The following MARK2 variants were observed in gnomAD, a reference collection of about 807,000 sequenced individuals.
The protein encoded by MARK2 is serine/threonine-protein kinase MARK2.
In MARK2, 16 loss-of-function variants were observed where a neutral mutation model predicts 89.8. That is an observed-to-expected ratio of 0.18 (90% confidence interval 0.12 to 0.27). MARK2 has a LOEUF of 0.27. MARK2 is among the 10% of genes least tolerant of loss of function. The probability of loss-of-function intolerance (pLI) is 1.00; values close to 1 mark genes in which losing one functional copy is unlikely to be tolerated. For synonymous variants in MARK2, 382 were observed against 399.5 expected (o/e 0.96, Z 0.52); for missense variants, 621 against 1,049.9 (o/e 0.59, Z 5.65).
rs1450409566 is a variant in MARK2, at chr11:63,846,935, CG to C, written c.54+7378del. On this transcript the variant is annotated intron_variant, in intron 1 of 18. Coordinates refer to ENST00000402010, the MANE Select transcript of MARK2 (RefSeq NM_001039469.3). ...CCTCCCAAAGTGCTGGGATTACAGG[CG>C]GGAGCCACCGCGCCCAGCCCAAAAA... is the stretch of plus-strand genomic sequence containing the variant. Among the ~76,000 whole-genome samples the C allele has an allele frequency of 2.6e-5, 4 of 152,130 alleles. No homozygotes were observed. The East Asian group carries it at 7.7e-4, about 29-fold the overall frequency.
intron 1 of MARK2, among the ~76,000 whole-genome samples, chr11:63,861,820 C>A (rs916790104): frequency 3.1e-4 from 46 of 150,648 alleles, no homozygotes; most frequent in African/African-American, 1.1e-3. Flanking sequence ...TGGCTCACTG[C>A]AACCTCCGCC....
intron 1 of MARK2, among the ~76,000 whole-genome samples, chr11:63,864,321 C>T (rs1475302735): frequency 6.6e-6 from 1 of 151,920 alleles, no homozygotes; most frequent in Non-Finnish European, 1.5e-5. Context: ...GGCTTGATCT[C>T]GGCTCACCGC....
At chr11:63,844,478 T>C (rs1342114355) in intron 1 of MARK2, among the ~76,000 whole-genome samples, 1 of 152,148 alleles carries the variant, frequency 6.6e-6, no homozygotes, top group Non-Finnish European at 1.5e-5. Flanking sequence ...AGCAAGACAC[T>C]ATCTCAGAAA....
intron 18 of MARK2, among the ~76,000 whole-genome samples, chr11:63,908,520 C>A (rs757871777): frequency 6.6e-6 from 1 of 152,186 alleles, no homozygotes; most frequent in Non-Finnish European, 1.5e-5. Flanking sequence ...TTCTGGAAGT[C>A]GGAGTTCTGG....
chr11:63,902,090 C>T lies in MARK2; in HGVS notation c.1102-108C>T. On this transcript the variant is annotated intron_variant, in intron 11 of 18. Transcript: ENST00000402010. This position sits in a 1 kb window ranked among gnomAD's most constrained non-coding sequence, Gnocchi z 4.2. ...TTACAAGTGGATGTCCGGTATGATC[C>T]TGGGGTGTTTGAGTGTTGGGAGAGG... The T allele has an allele frequency of 8.1e-7, 1 of 1,228,050 alleles. No homozygotes were observed. Among genetic ancestry groups the T allele is most frequent in the Non-Finnish European group, 1.2e-6 (1 of 868,220 alleles). The allele number at this position is 1,228,050 out of a possible 1,614,324, so 76.1% of individuals were successfully genotyped here.
At chr11:63,895,054 C>T (rs1408786189) in intron 1 of MARK2, 105 bp from the exon 2 acceptor site, 6 of 848,734 alleles carry the variant, frequency 7.1e-6, no homozygotes, top group Non-Finnish European at 3.7e-6. Flanking sequence ...GCCTACCAGC[C>T]CCCTGGAATC....
At position 63,902,052 on chromosome 11, in the gene MARK2, G is replaced by A. The variant is rs776226774; in HGVS notation, c.1102-146G>A. On this transcript the variant is annotated intron_variant, in intron 11 of 18. Coordinates refer to ENST00000402010, the MANE Select transcript of MARK2 (RefSeq NM_001039469.3). The surrounding 1 kb of genome is among the most constrained non-coding windows in gnomAD (Gnocchi z 4.2). ...GTGTCTCCAGGGTCTCCTCCAGGGGGGATGTATTGGTCTTACAAGTGGATG... is the reference window on the plus strand; with the variant it reads ...GTGTCTCCAGGGTCTCCTCCAGGGGAGATGTATTGGTCTTACAAGTGGATG... The A allele has an allele frequency of 5.4e-6, 4 of 741,004 alleles. No individual in the cohort carries two copies. Among genetic ancestry groups the A allele is most frequent in the Non-Finnish European group, 8.8e-6 (4 of 455,242 alleles). 45.9% of individuals were successfully genotyped at this position (741,004 alleles called of 1,614,324 possible).
Position 63,901,692 on chromosome 11 carries a change from C to CTGTGTGTGTGTGTG in MARK2, c.1102-488_1102-475dup, listed in dbSNP as rs56308004. ...GTGCTTTATGTTTGGGTGTGTGTAT[C>CTGTGTGTGTGTGTG]TGTGTGTGTGTGTGTGTGTGTGTGT... is the stretch of plus-strand genomic sequence containing the variant. On this transcript the variant is annotated intron_variant, in intron 11 of 18. Transcript: ENST00000402010. Among the ~76,000 whole-genome samples the CTGTGTGTGTGTGTG allele has an allele frequency of 3.0e-4, 40 of 134,804 alleles. No individual in the cohort carries two copies. In the East Asian group the frequency reaches 4.9e-3, roughly 17 times the overall value. The allele number at this position is 134,804 out of a possible 152,430, so 88.4% of individuals were successfully genotyped here. A position where few individuals can be genotyped will look rare whatever the true frequency, so the allele number is the denominator to read the frequency against.
At chr11:63,874,404 G>A (rs1938623027) in intron 1 of MARK2, among the ~76,000 whole-genome samples, 1 of 151,960 alleles carries the variant, frequency 6.6e-6, no homozygotes, top group Non-Finnish European at 1.5e-5. Flanking sequence ...GCTTTGCTTG[G>A]GTATTAATTG....
rs1004171351 is a variant in MARK2 at position 63,910,074 on chromosome 11, G to T, written c.*837G>T. The T allele has an allele frequency of 3.3e-5, 5 of 152,438 alleles. No individual in the cohort carries two copies. Among genetic ancestry groups the T allele is most frequent in the African/African-American group, 1.2e-4 (5 of 41,450 alleles). The allele number at this position is 152,438 out of a possible 1,614,324, so 9.4% of individuals were successfully genotyped here. On this transcript the variant is annotated 3_prime_UTR_variant, in exon 19 of 19. Coordinates refer to ENST00000402010, the MANE Select transcript of MARK2 (RefSeq NM_001039469.3). ...GGTAGAAGGAGGGGCTGACCCCAGG[G>T]CTGGGAGAGGGGAGGGGACTGGAGG...
chr11:63,876,677 T>G (rs1938774988), intron 1 of MARK2, among the ~76,000 whole-genome samples: 1 of 151,140 alleles, frequency 6.6e-6, no homozygotes, highest in Admixed American at 6.7e-5. Flanking sequence ...CCTTTTAGGA[T>G]TTGTTGGGTA....
intron 1 of MARK2, among the ~76,000 whole-genome samples, chr11:63,853,092 C>G (rs1373589202): frequency 6.6e-6 from 1 of 152,108 alleles, no homozygotes; most frequent in Non-Finnish European, 1.5e-5. Flanking sequence ...TTAAATGTTA[C>G]CAGGATTCAT....
intron 1 of MARK2, among the ~76,000 whole-genome samples, chr11:63,857,107 G>C (rs978384279): frequency 1.6e-4 from 24 of 151,884 alleles, no homozygotes; most frequent in African/African-American, 5.3e-4. Context: ...CACCACGCCC[G>C]GCCTAAATTT....
intron 1 of MARK2, among the ~76,000 whole-genome samples, chr11:63,883,836 C>G (rs561662532): frequency 6.8e-4 from 103 of 152,302 alleles, no homozygotes; most frequent in African/African-American, 2.4e-3. Context: ...ATCTGCCTGT[C>G]TTGGCCTCCC....
At chr11:63,848,459 C>T (rs1376211810) in intron 1 of MARK2, among the ~76,000 whole-genome samples, 1 of 152,096 alleles carries the variant, frequency 6.6e-6, no homozygotes, top group Non-Finnish European at 1.5e-5. Context: ...AATCTCAGCT[C>T]ACTGCAACCT....
At chr11:63,877,832 A>G (rs1938857683) in intron 1 of MARK2, among the ~76,000 whole-genome samples, 1 of 152,236 alleles carries the variant, frequency 6.6e-6, no homozygotes, top group African/African-American at 2.4e-5. Context: ...CAGTGAATAA[A>G]CAGCAGTGGT....
chr11:63,841,665 GTGAC>G (rs1224427612), intron 1 of MARK2, among the ~76,000 whole-genome samples: 2 of 152,260 alleles, frequency 1.3e-5, no homozygotes, highest in Non-Finnish European at 2.9e-5. Flanking sequence ...AGGAGGCCAA[GTGAC>G]TGACTGGCAC....
chr11:63,904,260 C>T lies in MARK2; in HGVS notation c.1676+113C>T, dbSNP rs567683440. The T allele has an allele frequency of 4.1e-6, 4 of 981,436 alleles. No individual in the cohort carries two copies. The South Asian group carries it at 6.7e-5, about 17-fold the overall frequency. 60.8% of individuals were successfully genotyped at this position (981,436 alleles called of 1,614,324 possible). A position where few individuals can be genotyped will look rare whatever the true frequency, so the allele number is the denominator to read the frequency against. ...TCCTGCTGTGTTCTTGTCATCTTAG[C>T]CACAAGAAATGGGTCTGTCCCCTGC... On this transcript the variant is annotated intron_variant, in intron 15 of 18. Transcript: ENST00000402010. The surrounding 1 kb of genome is among the most constrained non-coding windows in gnomAD (Gnocchi z 6.3).
In MARK2 at chr11:63,903,250, G is replaced by A; in HGVS notation, c.1514+92G>A. The A allele has an allele frequency of 1.0e-6, 1 of 983,662 alleles. No individual in the cohort carries two copies. The highest frequency in any genetic ancestry group is 1.6e-6 in the Non-Finnish European group (1 of 622,684). 60.9% of individuals were successfully genotyped at this position (983,662 alleles called of 1,614,324 possible). A position where few individuals can be genotyped will look rare whatever the true frequency, so the allele number is the denominator to read the frequency against. On this transcript the variant is annotated intron_variant, in intron 14 of 18. Coordinates refer to ENST00000402010, the MANE Select transcript of MARK2 (RefSeq NM_001039469.3). This position sits in a 1 kb window ranked among gnomAD's most constrained non-coding sequence, Gnocchi z 5.1. ...GCAGCACCGTCTCCTGTCCCTGCCA[G>A]CGCATTGCTCCCTGCTCCCTGGAGT...
Sources: gnomAD v4.1 joint callset for allele counts (sites outside exome capture counted in the v4.1 genomes callset) on GRCh38, gnomAD v4.1.1 for gene constraint, Gnocchi (gnomAD v3.1) non-coding constraint, MANE v1.5 for transcripts, NCBI Gene and HGNC (gene_info 2026-07-23, HGNC 2026-07-21) for gene names.